CHD6: variants seen among roughly 807,000 people sequenced by gnomAD.
CHD6 encodes chromodomain helicase DNA binding protein 6, also known as ATP-dependent chromatin remodeler CHD6.
A neutral mutation model predicts 276.9 loss-of-function variants in CHD6; 50 were observed. The ratio of observed to expected loss-of-function variants is 0.18; its 90% confidence interval spans 0.14 to 0.23. The LOEUF (loss-of-function observed/expected upper bound fraction) is 0.23. Ranked by LOEUF, CHD6 falls within the 10% of genes least tolerant of loss-of-function variation. The probability of loss-of-function intolerance (pLI) is 1.00; values close to 1 mark genes in which losing one functional copy is unlikely to be tolerated. For missense variants in CHD6, 2,564 were observed against 3,365.8 expected (o/e 0.76, Z 5.89); for synonymous variants, 1,173 against 1,229.3 (o/e 0.95, Z 0.96).
chr20:41,403,302 G>A lies in CHD6; in HGVS notation c.*1291C>T. 1.9e-6 allele frequency: 2 copies of A among 1,063,438 alleles called. No homozygotes were observed. Among genetic ancestry groups the A allele is most frequent in the Non-Finnish European group, 2.3e-6 (2 of 877,784 alleles). The allele number at this position is 1,063,438 out of a possible 1,614,324, so 65.9% of individuals were successfully genotyped here. ...AACCATGAGCTTACTTCAAGTCTCA[G>A]AGTGTGAACTACCTGTGAAGAGTGA... On this transcript the variant is annotated 3_prime_UTR_variant, in exon 37 of 37. Coordinates refer to ENST00000373233, the MANE Select transcript of CHD6 (RefSeq NM_032221.5).
At chr20:41,418,763 A>G (rs1368612000) in intron 31 of CHD6, among the ~76,000 whole-genome samples, 2 of 152,060 alleles carry the variant, frequency 1.3e-5, no homozygotes, top group Non-Finnish European at 2.9e-5. Context: ...CACACCTCAT[A>G]TGTGTGGAGG....
intron 1 of CHD6, among the ~76,000 whole-genome samples, chr20:41,613,520 G>A (rs970074963): frequency 1.6e-4 from 24 of 152,190 alleles, no homozygotes; most frequent in African/African-American, 3.1e-4. Flanking sequence ...TGATCACAGC[G>A]AGGGAAGAAT....
intron 35 of CHD6, among the ~76,000 whole-genome samples, chr20:41,412,838 T>TATCCTA (rs2046881955): frequency 3.9e-5 from 6 of 152,304 alleles, no homozygotes; most frequent in Admixed American, 1.3e-4. Flanking sequence ...TTGAAGGGAA[T>TATCCTA]GTCCTAAAGC....
At chr20:41,499,164 G>T in intron 6 of CHD6, 131 bp downstream of exon 6, 1 of 627,822 alleles carries the variant, frequency 1.6e-6, no homozygotes, top group Non-Finnish European at 2.7e-6. Context: ...GTGTTGGCTA[G>T]CCAGACAATA....
In CHD6 at chr20:41,402,453, C is replaced by T. The variant is rs1054208324; in HGVS notation, c.*2140G>A. 10 of 230,798 alleles carry T rather than the reference C, an allele frequency of 4.3e-5. No individual in the cohort carries two copies. Among genetic ancestry groups the T allele is most frequent in the African/African-American group, 1.5e-4 (7 of 45,204 alleles). 14.3% of individuals were successfully genotyped at this position (230,798 alleles called of 1,614,324 possible). On this transcript the variant is annotated 3_prime_UTR_variant, in exon 37 of 37. Transcript: ENST00000373233. Reference sequence around the variant, plus strand: ...TTTTAAGTCAGATCCACATTGAACCCTGTGACCTACCGGAGGTTATAAGTG... The same window carrying T: ...TTTTAAGTCAGATCCACATTGAACCTTGTGACCTACCGGAGGTTATAAGTG...
chr20:41,555,355 C>T (rs571398931), intron 1 of CHD6, among the ~76,000 whole-genome samples: 12 of 130,068 alleles, frequency 9.2e-5, no homozygotes, highest in South Asian at 7.8e-4. Flanking sequence ...GCCGGCCGGG[C>T]GGGGGGCCGA....
At chr20:41,481,414 C>T (rs2043292598) in intron 16 of CHD6, among the ~76,000 whole-genome samples, 1 of 151,730 alleles carries the variant, frequency 6.6e-6, no homozygotes. Context: ...GCATGAAAAA[C>T]ATGAATACAC....
At chr20:41,428,663 G>C (rs2047439685) in intron 27 of CHD6, among the ~76,000 whole-genome samples, 1 of 152,146 alleles carries the variant, frequency 6.6e-6, no homozygotes, top group Admixed American at 6.5e-5. Flanking sequence ...ATGGAGAATG[G>C]CATAAACTTC....
intron 36 of CHD6, among the ~76,000 whole-genome samples, chr20:41,408,366 G>C (rs1374767805): frequency 1.3e-5 from 2 of 152,204 alleles, no homozygotes; most frequent in African/African-American, 4.8e-5. Context: ...CAATTTGCTA[G>C]GCTGGCAACT....
At chr20:41,617,362 C>T (rs557437782) in intron 1 of CHD6, among the ~76,000 whole-genome samples, 1 of 152,298 alleles carries the variant, frequency 6.6e-6, no homozygotes, top group South Asian at 2.1e-4. Context: ...ATAACTGGAA[C>T]TAGGAATACT....
intron 10 of CHD6, among the ~76,000 whole-genome samples, chr20:41,492,024 A>G (rs1393091908): frequency 6.6e-6 from 1 of 152,192 alleles, no homozygotes; most frequent in Non-Finnish European, 1.5e-5. Context: ...GCTTCTAGAT[A>G]ATAACTTACA....
At chr20:41,596,634 G>A (rs1407955621) in intron 1 of CHD6, among the ~76,000 whole-genome samples, 2 of 151,878 alleles carry the variant, frequency 1.3e-5, no homozygotes, top group East Asian at 3.9e-4. Flanking sequence ...TAGTTAAAGG[G>A]ATTCAGGAAT....
intron 16 of CHD6, among the ~76,000 whole-genome samples, chr20:41,476,013 T>A (rs79785744): frequency 1.3e-5 from 2 of 152,114 alleles, no homozygotes; most frequent in Non-Finnish European, 2.9e-5. Flanking sequence ...TAAAAAAAAA[T>A]TGAATTATTT....
At chr20:41,459,611 T>C (rs1046019070) in intron 17 of CHD6, among the ~76,000 whole-genome samples, 1 of 152,168 alleles carries the variant, frequency 6.6e-6, no homozygotes, top group South Asian at 2.1e-4. Flanking sequence ...ATCTGATGTG[T>C]TTATCAGGGA....
rs2145462249 is a variant in CHD6, at chr20:41,420,746, A to G, written c.5889T>C (p.Tyr1963=). The change falls in exon 31 of 37, where the codon TAT becomes TAC. Residue 1963 remains tyrosine (Y), a synonymous_variant. Coordinates refer to ENST00000373233, the MANE Select transcript of CHD6 (RefSeq NM_032221.5). ...TTTTACTTTTGAACAGATCTGGGAT[A>G]TAAGCCTTGGGTTTCTCGATTTCAA... ...DEFEIEKPKA[Y]IPDLFKSKTN... The G allele has an allele frequency of 6.2e-7, 1 of 1,614,246 alleles. No individual in the cohort carries two copies. The highest frequency in any genetic ancestry group is 1.3e-5 in the African/African-American group (1 of 75,060).
intron 1 of CHD6, among the ~76,000 whole-genome samples, chr20:41,603,907 C>G (rs1421972476): frequency 6.6e-6 from 1 of 151,886 alleles, no homozygotes; most frequent in East Asian, 1.9e-4. Context: ...TTTCATGAAG[C>G]CTAACTCCCA....
Position 41,452,656 on chromosome 20 carries a change from G to C in CHD6, c.3323+84C>G, listed in dbSNP as rs1005951632. On this transcript the variant is annotated intron_variant, in intron 21 of 36. Transcript: ENST00000373233. This position sits in a 1 kb window ranked among gnomAD's most constrained non-coding sequence, Gnocchi z 4.2. ...CTATAATTCCAAAGGTGACTGGAGA[G>C]ACATCCTAGACAAATCTCAGGGACT... The C allele has an allele frequency of 1.1e-5, 13 of 1,219,804 alleles. No individual in the cohort carries two copies. Among genetic ancestry groups the C allele is most frequent in the Admixed American group, 1.9e-5 (1 of 52,364 alleles). The allele number at this position is 1,219,804 out of a possible 1,614,324, so 75.6% of individuals were successfully genotyped here. A position where few individuals can be genotyped will look rare whatever the true frequency, so the allele number is the denominator to read the frequency against.
chr20:41,603,683 T>TG (rs2045796676), intron 1 of CHD6, among the ~76,000 whole-genome samples: 1 of 152,146 alleles, frequency 6.6e-6, no homozygotes, highest in Non-Finnish European at 1.5e-5. Flanking sequence ...TTGGGCAACA[T>TG]GGTGAAACCC....
At chr20:41,547,558 T>C (rs989393192) in intron 2 of CHD6, 5 of 496,558 alleles carry the variant, frequency 1.0e-5, no homozygotes, top group South Asian at 3.0e-5. Flanking sequence ...GATGATGACA[T>C]TGCCAAGGCA....
Sources: gnomAD v4.1 joint callset for allele counts (sites outside exome capture counted in the v4.1 genomes callset) on GRCh38, gnomAD v4.1.1 for gene constraint, Gnocchi (gnomAD v3.1) non-coding constraint, MANE v1.5 for transcripts, NCBI Gene and HGNC (gene_info 2026-07-23, HGNC 2026-07-21) for gene names.